FRMD4A: variants seen among roughly 807,000 people sequenced by gnomAD.
The protein encoded by FRMD4A is FERM domain-containing protein 4A.
FRMD4A carries 29 observed loss-of-function variants against 129.1 expected under a neutral mutation model. That is an observed-to-expected ratio of 0.22 (90% confidence interval 0.17 to 0.31). FRMD4A has a LOEUF of 0.31. Among genes scored for constraint, FRMD4A ranks in the 10% least tolerant of loss-of-function variants. The probability of loss-of-function intolerance (pLI) is 1.00; values close to 1 mark genes in which losing one functional copy is unlikely to be tolerated. For synonymous variants in FRMD4A, 634 were observed against 571.6 expected (o/e 1.11, Z -1.56); for missense variants, 1,272 against 1,375.8 (o/e 0.92, Z 1.19).
intron 2 of FRMD4A, among the ~76,000 whole-genome samples, chr10:14,275,942 G>T (rs955727708): frequency 7.9e-5 from 12 of 152,218 alleles, no homozygotes; most frequent in African/African-American, 2.7e-4. Flanking sequence ...AGGAGGCTGA[G>T]GTGGGAGGAT....
At chr10:14,000,191 A>C (rs917934620) in intron 2 of FRMD4A, among the ~76,000 whole-genome samples, 1 of 152,212 alleles carries the variant, frequency 6.6e-6, no homozygotes, top group African/African-American at 2.4e-5. Flanking sequence ...TGGATGTAGG[A>C]TAGATAATAT....
chr10:14,036,593 C>G (rs1833512922), intron 2 of FRMD4A, among the ~76,000 whole-genome samples: 1 of 152,188 alleles, frequency 6.6e-6, no homozygotes, highest in East Asian at 1.9e-4. Context: ...TTTACCTCTT[C>G]TCTAAGCACA....
intron 2 of FRMD4A, among the ~76,000 whole-genome samples, chr10:14,028,941 T>C (rs1016897377): frequency 1.3e-5 from 2 of 152,186 alleles, no homozygotes; most frequent in Non-Finnish European, 2.9e-5. Flanking sequence ...TAAATTTCTG[T>C]TGGAAAAAAA....
rs561450953 is a variant in FRMD4A at position 14,053,414 on chromosome 10, C to A, written c.46-194502G>T. Among the ~76,000 whole-genome samples, 20 of 152,270 alleles carry A rather than the reference C, an allele frequency of 1.3e-4. No homozygotes were observed. The East Asian group carries it at 1.9e-3, about 15-fold the overall frequency. ...GGGGGCACCTTGTGCAGCCTGAAAACCATGTTAATCTTAAAGCTTTACTAT... is the reference window on the plus strand; with the variant it reads ...GGGGGCACCTTGTGCAGCCTGAAAAACATGTTAATCTTAAAGCTTTACTAT... On this transcript the variant is annotated intron_variant, in intron 2 of 24. Coordinates refer to ENST00000357447, the MANE Select transcript of FRMD4A (RefSeq NM_018027.5).
intron 2 of FRMD4A, among the ~76,000 whole-genome samples, chr10:13,939,114 C>A (rs757306469): frequency 6.6e-6 from 1 of 152,178 alleles, no homozygotes; most frequent in Non-Finnish European, 1.5e-5. Flanking sequence ...GGCAGCTACA[C>A]GGTAAGGCAA....
intron 3 of FRMD4A, among the ~76,000 whole-genome samples, chr10:13,850,332 G>C (rs965644433): frequency 6.6e-5 from 10 of 151,910 alleles, no homozygotes; most frequent in Admixed American, 6.6e-5. Context: ...CTTGCCCTCA[G>C]TGCTATTTTA....
Position 14,211,686 on chromosome 10 carries a change from T to C in FRMD4A, c.45+118372A>G, listed in dbSNP as rs553841848. Among the ~76,000 whole-genome samples, 91 of 152,296 alleles carry C rather than the reference T, an allele frequency of 6.0e-4. 1 individual carries two copies. The highest frequency in any genetic ancestry group is 2.1e-3 in the African/African-American group (86 of 41,556). On this transcript the variant is annotated intron_variant, in intron 2 of 24. Transcript: ENST00000357447. ...CATCAGAGCAAATGATAATTGTGTG[T>C]CTACCACAGGCCAGGCTGGATCGTG...
intron 3 of FRMD4A, among the ~76,000 whole-genome samples, chr10:13,815,256 CG>C (rs1423198887): frequency 1.3e-5 from 2 of 152,044 alleles, no homozygotes; most frequent in Non-Finnish European, 2.9e-5. Flanking sequence ...GAAATCCTGA[CG>C]TGGATGGAAC....
At chr10:13,818,637 A>C (rs368907594) in intron 3 of FRMD4A, among the ~76,000 whole-genome samples, 17 of 152,298 alleles carry the variant, frequency 1.1e-4, no homozygotes, top group African/African-American at 4.1e-4. Flanking sequence ...ATATAATTTC[A>C]GGTAAGTTAC....
At chr10:13,776,489 A>G (rs945268890) in intron 6 of FRMD4A, among the ~76,000 whole-genome samples, 8 of 152,240 alleles carry the variant, frequency 5.3e-5, no homozygotes, top group Non-Finnish European at 1.2e-4. Flanking sequence ...TCAATTATTT[A>G]TCTATATGGA....
At chr10:14,114,699 G>A (rs974231961) in intron 2 of FRMD4A, among the ~76,000 whole-genome samples, 1 of 152,112 alleles carries the variant, frequency 6.6e-6, no homozygotes, top group Non-Finnish European at 1.5e-5. Flanking sequence ...ATGCCTCTTT[G>A]GGGTCAGCTG....
In FRMD4A at chr10:14,222,631, C is replaced by T. The variant is rs141433064; in HGVS notation, c.45+107427G>A. On this transcript the variant is annotated intron_variant, in intron 2 of 24. Transcript: ENST00000357447. ...ATGTGATTCCCATCATATATGACCC[C>T]GTCCCACTCAAATTGTGTTTCTCTC... Among the ~76,000 whole-genome samples, 4 of 152,256 alleles carry T rather than the reference C, an allele frequency of 2.6e-5. No homozygotes were observed. The East Asian group carries it at 7.7e-4, about 29-fold the overall frequency.
chr10:14,019,523 G>A (rs1186276629), intron 2 of FRMD4A, among the ~76,000 whole-genome samples: 1 of 152,208 alleles, frequency 6.6e-6, no homozygotes, highest in Non-Finnish European at 1.5e-5. Context: ...AGAGACACAT[G>A]TGTTTATAGG....
At chr10:14,144,407 T>C (rs1839981432) in intron 2 of FRMD4A, among the ~76,000 whole-genome samples, 1 of 152,218 alleles carries the variant, frequency 6.6e-6, no homozygotes, top group African/African-American at 2.4e-5. Context: ...TCCTGTTTGC[T>C]GCTGTTGTTT....
chr10:13,774,497 G>C (rs904340259), intron 6 of FRMD4A, among the ~76,000 whole-genome samples: 2 of 152,232 alleles, frequency 1.3e-5, no homozygotes, highest in African/African-American at 2.4e-5. Context: ...TCTATACCCA[G>C]TGTGGAGACT....
chr10:13,770,645 T>G (rs1198653750), intron 6 of FRMD4A, among the ~76,000 whole-genome samples: 1 of 152,030 alleles, frequency 6.6e-6, no homozygotes, highest in East Asian at 1.9e-4. Context: ...GGTCTCACTA[T>G]GTTTCTCAGG....
chr10:14,055,900 C>T (rs1268369020), intron 2 of FRMD4A, among the ~76,000 whole-genome samples: 5 of 152,100 alleles, frequency 3.3e-5, no homozygotes, highest in South Asian at 2.1e-4. Context: ...ATTGTCACCC[C>T]GTTGTGCTAT....
At chr10:13,985,875 G>A (rs1204756861) in intron 2 of FRMD4A, among the ~76,000 whole-genome samples, 1 of 152,210 alleles carries the variant, frequency 6.6e-6, no homozygotes, top group Non-Finnish European at 1.5e-5. Flanking sequence ...AACTGAGCAG[G>A]CTGGCAGCTT....
chr10:13,656,987 T>G lies in FRMD4A; in HGVS notation c.2602A>C (p.Lys868Gln). 1.3e-6 allele frequency: 2 copies of G among 1,558,852 alleles called. No homozygotes were observed. The highest frequency in any genetic ancestry group is 8.6e-7 in the Non-Finnish European group (1 of 1,159,662). The change falls in exon 22 of 25, where the codon AAG becomes CAG. Residue 868 changes from lysine to glutamine, a missense_variant. Lys to Gln is a moderately conservative substitution (Grantham distance 53). Around this residue, in one of 2 missense-constraint regions of FRMD4A, gnomAD observed 972 missense variants for 892.3 expected, o/e 1.09. Coordinates refer to ENST00000357447, the MANE Select transcript of FRMD4A (RefSeq NM_018027.5). ...CCCGCCGTGTAGGAGTTGGACGTCT[T>G]GAACTGAGCCTTGACGCTGTAGTGG... is the stretch of plus-strand genomic sequence containing the variant. The part of the protein sequence containing the change: ...EGHYSVKAQF[K>Q]TSNSYTAGGL...
Sources: allele counts gnomAD v4.1 joint callset (sites outside exome capture counted in the v4.1 genomes callset), GRCh38; gene constraint gnomAD v4.1.1; regional missense constraint gnomAD v4.1.1; transcripts MANE v1.5; gene names NCBI Gene and HGNC (gene_info 2026-07-23, HGNC 2026-07-21).